The following RIPK3 variants were observed in gnomAD, a reference collection of about 807,000 sequenced individuals.
RIPK3 encodes the protein receptor-interacting serine/threonine-protein kinase 3.
Under a neutral mutation model 51.6 loss-of-function variants are expected in RIPK3, and 51 were observed. The observed-to-expected ratio is 0.99, with a 90% CI of 0.79 to 1.25. The LOEUF is 1.25. Among genes scored for constraint, RIPK3 ranks in the 50% most tolerant of loss-of-function variants. RIPK3 has a pLI of 0.00. For missense variants in RIPK3, 654 were observed against 650.4 expected, an observed-to-expected ratio of 1.01 and a Z score of -0.06; for synonymous variants, 246 against 257.7, an observed-to-expected ratio of 0.95 and a Z score of 0.44.
At position 24,339,498 on chromosome 14, in the gene RIPK3, A is replaced by G. The variant is rs757073868; in HGVS notation, c.120T>C (p.His40=). 3.9e-5 allele frequency: 63 copies of G among 1,613,862 alleles called. No individual in the cohort carries two copies. Among genetic ancestry groups the G allele is most frequent in the Non-Finnish European group, 5.3e-5 (62 of 1,179,974 alleles). The part of the protein sequence containing the change: ...GGFGTVFRAQ[H]RKWGYDVAVK... Reference sequence around the variant, plus strand: ...CCGCCACATCGTAGCCCCACTTCCTATGTTGCGCCCGGAACACTGTGCCGA... The same window carrying G: ...CCGCCACATCGTAGCCCCACTTCCTGTGTTGCGCCCGGAACACTGTGCCGA... The change falls in exon 2 of 10, where the codon CAT becomes CAC. Residue 40 remains histidine, a synonymous_variant. Transcript: ENST00000216274. The surrounding 1 kb of genome is among the most constrained non-coding windows in gnomAD (Gnocchi z 4.0).
chr14:24,338,065 A>G (rs1334776644), intron 5 of RIPK3, 25 bp from the exon 6 acceptor site: 1 of 1,614,094 alleles, frequency 6.2e-7, no homozygotes, highest in Admixed American at 1.7e-5. Context: ...GAGGGTGAGA[A>G]GAGAAGGCAT....
chr14:24,338,551 A>T lies in RIPK3; in HGVS notation c.488T>A (p.Leu163Gln). ...ELHVKLADFG[L>Q]STFQGGSQSG... ...CTGTGAGCCTCCCTGAAATGTGGAC[A>T]GGCCAAAATCTGCCAGCTGCAAAGG... Residue 163 changes from leucine (L) to glutamine (Q), a missense_variant, in exon 4 of 10, where the codon CTG becomes CAG. Coordinates refer to ENST00000216274, the MANE Select transcript of RIPK3 (RefSeq NM_006871.4). 6.2e-7 allele frequency: 1 copy of T among 1,602,424 alleles called. No homozygotes were observed. Among genetic ancestry groups the T allele is most frequent in the East Asian group, 2.2e-5 (1 of 44,558 alleles).
chr14:24,339,089 C>T lies in RIPK3; in HGVS notation c.397G>A (p.Asp133Asn), dbSNP rs373767311. The change falls in exon 3 of 10, where the codon GAC becomes AAC. Residue 133 changes from aspartate to asparagine, a missense_variant. Transcript: ENST00000216274. The surrounding 1 kb of genome is among the most constrained non-coding windows in gnomAD (Gnocchi z 4.0). ...EVVLGMFYLH[D>N]QNPVLLHRDL... ...CGGTGCAGGAGCACCGGGTTCTGGTCGTGCAGGTAAAACATCCCAAGCACC... is the reference window on the plus strand; with the variant it reads ...CGGTGCAGGAGCACCGGGTTCTGGTTGTGCAGGTAAAACATCCCAAGCACC... The T allele has an allele frequency of 3.1e-6, 5 of 1,614,158 alleles. No individual in the cohort carries two copies. The highest frequency in any genetic ancestry group is 1.1e-5 in the South Asian group (1 of 91,074).
intron 3 of RIPK3, 91 bp downstream of exon 3, chr14:24,338,924 A>T: frequency 9.5e-7 from 1 of 1,050,720 alleles, no homozygotes; most frequent in Non-Finnish European, 1.5e-6. Flanking sequence ...TATTCAATAG[A>T]CAGGGCTCTG....
Position 24,339,637 on chromosome 14 carries a change from C to T in RIPK3, c.21-40G>A. On this transcript the variant is annotated intron_variant, in intron 1 of 9. Transcript: ENST00000216274. This position sits in a 1 kb window ranked among gnomAD's most constrained non-coding sequence, Gnocchi z 4.0. Reference sequence around the variant, plus strand: ...TCGCCCACTAGCCGGCCGTGCCGTGCCTCAGCGCTGCTCCCCGCGCCCCTG... The same window carrying T: ...TCGCCCACTAGCCGGCCGTGCCGTGTCTCAGCGCTGCTCCCCGCGCCCCTG... 2 of 1,611,856 alleles carry T rather than the reference C, an allele frequency of 1.2e-6. No individual in the cohort carries two copies. The highest frequency in any genetic ancestry group is 1.7e-4 in the Middle Eastern group (1 of 6,044).
In RIPK3 at chr14:24,339,840, G is replaced by A; in HGVS notation, c.-14C>T. 1 of 1,555,524 alleles carries A rather than the reference G, an allele frequency of 6.4e-7. No homozygotes were observed. Among genetic ancestry groups the A allele is most frequent in the Non-Finnish European group, 8.7e-7 (1 of 1,155,784 alleles). On this transcript the variant is annotated 5_prime_UTR_variant, in exon 1 of 10. Transcript: ENST00000216274. The surrounding 1 kb of genome is among the most constrained non-coding windows in gnomAD (Gnocchi z 4.0). ...GACGCACGACATCAGGCTGGAAGGT[G>A]CCAGGGGGCCTCTGGAAATTGCGAG...
rs1223891396 is a variant in RIPK3 at position 24,336,214 on chromosome 14, C to T, written c.1518G>A (p.Trp506Ter). The change falls in exon 10 of 10, where the codon TGG becomes TGA. Residue 506 changes from tryptophan (W) to a stop codon, truncating the protein, a stop_gained. Transcript: ENST00000216274. LOFTEE classifies it low-confidence loss of function (END_TRUNC). ...GATTATACCAACCCTGTGGCCTGCT[C>T]CAGGCTTCAGGATCTTTAGGGCCTT... ...SQEGPKDPEA[W>*]SRPQGWYNHS... 1 of 1,614,028 alleles carries T rather than the reference C, an allele frequency of 6.2e-7. No individual in the cohort carries two copies.
In RIPK3 at chr14:24,339,374, C is replaced by G; in HGVS notation, c.162-50G>C. On this transcript the variant is annotated intron_variant, in intron 2 of 9. Transcript: ENST00000216274. The surrounding 1 kb of genome is among the most constrained non-coding windows in gnomAD (Gnocchi z 4.0). The stretch of plus-strand genomic sequence containing the variant: ...TCGCACCGGGGTCGTGGGAAAATCC[C>G]TCCCTTCGCCATTCAGGCCCCAGAG... 6.2e-7 allele frequency: 1 copy of G among 1,608,782 alleles called. No homozygotes were observed. Among genetic ancestry groups the G allele is most frequent in the South Asian group, 1.1e-5 (1 of 90,810 alleles).
intron 4 of RIPK3, 44 bp downstream of exon 4, chr14:24,338,378 G>A (rs2042156906): frequency 6.3e-7 from 1 of 1,583,230 alleles, no homozygotes; most frequent in South Asian, 1.1e-5. Flanking sequence ...AGGGCCCAGA[G>A]AAGTGTAGGA....
Position 24,336,054 on chromosome 14 carries a change from G to C in RIPK3, c.*121C>G. 1.0e-6 allele frequency: 1 copy of C among 971,858 alleles called. No individual in the cohort carries two copies. Among genetic ancestry groups the C allele is most frequent in the Admixed American group, 2.8e-5 (1 of 36,340 alleles). The allele number at this position is 971,858 out of a possible 1,614,324, so 60.2% of individuals were successfully genotyped here. On this transcript the variant is annotated 3_prime_UTR_variant, in exon 10 of 10. Transcript: ENST00000216274. ...ATTCCATCATGTTTATTGACTCCTG[G>C]GGGACAGGTCACAAAGTCAGTTTGT...
At position 24,339,058 on chromosome 14, in the gene RIPK3, AGGTCCC is replaced by A. The variant is rs1396781074; in HGVS notation, c.422_427del (p.Arg141_Asp142del). ...GTCCAGCAGGACGTTGGATGGCTTG[AGGTCCC>A]GGTGCAGGAGCACCGGGTTCTGGTC... On this transcript the variant is annotated inframe_deletion, in exon 3 of 10. Coordinates refer to ENST00000216274, the MANE Select transcript of RIPK3 (RefSeq NM_006871.4). The surrounding 1 kb of genome is among the most constrained non-coding windows in gnomAD (Gnocchi z 4.0). 6.2e-7 allele frequency: 1 copy of A among 1,614,156 alleles called. No homozygotes were observed. The highest frequency in any genetic ancestry group is 1.6e-4 in the Middle Eastern group (1 of 6,062).
chr14:24,339,685 T>A lies in RIPK3; in HGVS notation c.21-88A>T. 6.3e-7 allele frequency: 1 copy of A among 1,590,438 alleles called. No homozygotes were observed. Among genetic ancestry groups the A allele is most frequent in the Non-Finnish European group, 8.6e-7 (1 of 1,165,042 alleles). Reference sequence around the variant, plus strand: ...CTGTGACTCGGCGTTCTCACTGCAATCCCCAGCCTCCCTCGCCGGCCCCCA... The same window carrying A: ...CTGTGACTCGGCGTTCTCACTGCAAACCCCAGCCTCCCTCGCCGGCCCCCA... On this transcript the variant is annotated intron_variant, in intron 1 of 9. Transcript: ENST00000216274. The surrounding 1 kb of genome is among the most constrained non-coding windows in gnomAD (Gnocchi z 4.0).
intron 3 of RIPK3, 53 bp downstream of exon 3, chr14:24,338,962 G>C: frequency 5.5e-6 from 8 of 1,453,926 alleles, no homozygotes; most frequent in Non-Finnish European, 7.7e-6. Flanking sequence ...GGGCCTGGCT[G>C]GAGCAGCTCT....
In RIPK3 at chr14:24,337,913, G is replaced by C; in HGVS notation, c.792C>G (p.Leu264=). Residue 264 remains leucine, a synonymous_variant, in exon 6 of 10, where the codon CTC becomes CTG. Coordinates refer to ENST00000216274, the MANE Select transcript of RIPK3 (RefSeq NM_006871.4). ...TGTCCTTGGGCTCACTGCTCCAGCA[G>C]AGCTGCATTAGCTCCTTCAGTCCTT... ...GLEGLKELMQ[L]CWSSEPKDRP... is the part of the protein sequence containing the mutation. 6.2e-7 allele frequency: 1 copy of C among 1,614,200 alleles called. No individual in the cohort carries two copies. Among genetic ancestry groups the C allele is most frequent in the Non-Finnish European group, 8.5e-7 (1 of 1,180,040 alleles).
Position 24,339,540 on chromosome 14 carries a change from G to C in RIPK3, c.78C>G (p.Leu26=), listed in dbSNP as rs748515940. Residue 26 remains leucine (L), a synonymous_variant, in exon 2 of 10, where the codon CTC becomes CTG. Transcript: ENST00000216274. This position sits in a 1 kb window ranked among gnomAD's most constrained non-coding sequence, Gnocchi z 4.0. The part of the protein sequence containing the change: ...VSIEELENQE[L]VGKGGFGTVF... ...CTGTGCCGAACCCGCCTTTGCCGAC[G>C]AGCTCCTGGTTCTCCAGTTCCTCGA... 6.8e-6 allele frequency: 11 copies of C among 1,614,044 alleles called. No homozygotes were observed. Among genetic ancestry groups the C allele is most frequent in the South Asian group, 1.1e-5 (1 of 91,088 alleles).
At chr14:24,338,957 T>A in intron 3 of RIPK3, 58 bp downstream of exon 3, 1 of 1,415,780 alleles carries the variant, frequency 7.1e-7, no homozygotes, top group South Asian at 1.2e-5. Context: ...CCGGCGGGCC[T>A]GGCTGGAGCA....
Position 24,339,937 on chromosome 14 carries a change from GT to G in RIPK3, c.-112del. On this transcript the variant is annotated 5_prime_UTR_variant, in exon 1 of 10. Coordinates refer to ENST00000216274, the MANE Select transcript of RIPK3 (RefSeq NM_006871.4). The surrounding 1 kb of genome is among the most constrained non-coding windows in gnomAD (Gnocchi z 4.0). ...GGGGAAGGGGTCTGTCTGTGCAGGG[GT>G]CAGTCTCTAGACCAAGACGGTGAGT... is the stretch of plus-strand genomic sequence containing the variant. 8.3e-7 allele frequency: 1 copy of G among 1,208,114 alleles called. No individual in the cohort carries two copies. Among genetic ancestry groups the G allele is most frequent in the Non-Finnish European group, 1.2e-6 (1 of 860,328 alleles). 74.8% of individuals were successfully genotyped at this position (1,208,114 alleles called of 1,614,324 possible).
At position 24,338,531 on chromosome 14, in the gene RIPK3, A is replaced by G; in HGVS notation, c.508T>C (p.Ser170Pro). 6.2e-7 allele frequency: 1 copy of G among 1,611,288 alleles called. No homozygotes were observed. Among genetic ancestry groups the G allele is most frequent in the Non-Finnish European group, 8.5e-7 (1 of 1,177,702 alleles). Reference sequence around the variant, plus strand: ...TCCCCGGACCCTGTCCCTGACTGTGAGCCTCCCTGAAATGTGGACAGGCCA... The same window carrying G: ...TCCCCGGACCCTGTCCCTGACTGTGGGCCTCCCTGAAATGTGGACAGGCCA... ...DFGLSTFQGG[S>P]QSGTGSGEPG... is the part of the protein sequence containing the mutation. Residue 170 changes from serine (S) to proline (P), a missense_variant, in exon 4 of 10, where the codon TCA (serine) becomes CCA (proline). Physicochemically the swap from Ser to Pro is moderately conservative, Grantham distance 74 (BLOSUM62 -1). Transcript: ENST00000216274.
intron 3 of RIPK3, 188 bp downstream of exon 3, chr14:24,338,827 G>A (rs2042160747): frequency 1.5e-6 from 1 of 669,880 alleles, no homozygotes; most frequent in Non-Finnish European, 2.5e-6. Context: ...GTGGCTCAGG[G>A]CCTCTATCAC....
Sources: gnomAD v4.1 joint callset for allele counts on GRCh38, gnomAD v4.1.1 for gene constraint, Gnocchi (gnomAD v3.1) non-coding constraint, MANE v1.5 for transcripts, NCBI Gene and HGNC (gene_info 2026-07-23, HGNC 2026-07-21) for gene names.